EPM2A: variants seen among roughly 807,000 people sequenced by gnomAD.
The protein encoded by EPM2A is laforin.
In EPM2A, 21 loss-of-function variants were observed where a neutral mutation model predicts 26.5. The ratio of observed to expected loss-of-function variants is 0.79; its 90% confidence interval spans 0.56 to 1.14. The LOEUF (loss-of-function observed/expected upper bound fraction) is 1.14. Among genes scored for constraint, EPM2A ranks in the 50% most tolerant of loss-of-function variants. EPM2A has a pLI of 0.00. For missense variants in EPM2A, 458 were observed against 440.8 expected (o/e 1.04, Z -0.35); for synonymous variants, 217 against 177.6 (o/e 1.22, Z -1.76).
downstream of EPM2A, among the ~76,000 whole-genome samples, chr6:145,499,338 G>A (rs1461422919): frequency 6.6e-6 from 1 of 152,024 alleles, no homozygotes; most frequent in Non-Finnish European, 1.5e-5. Flanking sequence ...AATTCATTCT[G>A]TTCCTTTTAC....
chr6:145,391,055 T>C (rs559331299), intron 4 of EPM2A, among the ~76,000 whole-genome samples: 1 of 152,096 alleles, frequency 6.6e-6, no homozygotes, highest in East Asian at 1.9e-4. Flanking sequence ...CAAAGTAAAA[T>C]CCTAAGTCCC....
At chr6:145,673,591 T>A (rs1779809536) in intron 2 of EPM2A, among the ~76,000 whole-genome samples, 1 of 152,190 alleles carries the variant, frequency 6.6e-6, no homozygotes, top group Non-Finnish European at 1.5e-5. Context: ...ACTTTTCCCA[T>A]GGTCTTAGCA....
At chr6:145,633,344 A>C (rs1776408639) in intron 3 of EPM2A, among the ~76,000 whole-genome samples, 2 of 152,238 alleles carry the variant, frequency 1.3e-5, no homozygotes, top group African/African-American at 4.8e-5. Flanking sequence ...TTTTGAAACC[A>C]GGAAAACCAG....
At chr6:145,696,236 G>C (rs1276878439) in intron 1 of EPM2A, among the ~76,000 whole-genome samples, 1 of 152,060 alleles carries the variant, frequency 6.6e-6, no homozygotes, top group Non-Finnish European at 1.5e-5. Context: ...ATGATAATGG[G>C]TATACAACAT....
intron 4 of EPM2A, among the ~76,000 whole-genome samples, chr6:145,388,739 C>T (rs898395024): frequency 1.3e-5 from 2 of 152,128 alleles, no homozygotes; most frequent in African/African-American, 4.8e-5. Flanking sequence ...GTTCAACTCC[C>T]ACTTATGAGT....
At chr6:145,529,473 G>T (rs2114781963) in intron 2 of EPM2A, among the ~76,000 whole-genome samples, 3 of 152,084 alleles carry the variant, frequency 2.0e-5, no homozygotes, top group South Asian at 2.1e-4. Context: ...TAGCAAAAAA[G>T]GTTATGACTC....
intron 4 of EPM2A, chr6:145,491,071 T>C (rs1779748443): frequency 2.6e-6 from 2 of 760,798 alleles, no homozygotes; most frequent in African/African-American, 1.7e-5. Flanking sequence ...GATTCTGTGA[T>C]AACATTTGAA....
At chr6:145,657,031 A>G (rs1778340651) in intron 2 of EPM2A, among the ~76,000 whole-genome samples, 1 of 152,098 alleles carries the variant, frequency 6.6e-6, no homozygotes, top group Non-Finnish European at 1.5e-5. Context: ...TAGAATCAAC[A>G]ATGAAATTTG....
intron 3 of EPM2A, 26 bp downstream of exon 3, chr6:145,635,219 G>C (rs758508613): frequency 6.2e-7 from 1 of 1,613,884 alleles, no homozygotes; most frequent in East Asian, 2.2e-5. Flanking sequence ...AATACAGCAA[G>C]GAGGCAGAAC....
downstream of EPM2A, among the ~76,000 whole-genome samples, chr6:145,622,301 A>G (rs1775654654): frequency 6.6e-6 from 1 of 152,106 alleles, no homozygotes; most frequent in African/African-American, 2.4e-5. Flanking sequence ...TAAATGGGAA[A>G]CTCAACCCAA....
intron 2 of EPM2A, among the ~76,000 whole-genome samples, chr6:145,531,235 G>C (rs188686103): frequency 4.5e-4 from 69 of 152,268 alleles, no homozygotes; most frequent in African/African-American, 1.6e-3. Context: ...AGGTAACCAG[G>C]TTGATTACCC....
intron 2 of EPM2A, among the ~76,000 whole-genome samples, chr6:145,616,644 T>C (rs888112725): frequency 2.0e-5 from 3 of 152,224 alleles, no homozygotes; most frequent in African/African-American, 7.2e-5. Flanking sequence ...AGGGGGGCTA[T>C]ACCCTGCAAA....
intron 2 of EPM2A, among the ~76,000 whole-genome samples, chr6:145,659,153 T>C (rs1029513087): frequency 1.9e-4 from 28 of 148,180 alleles, no homozygotes; most frequent in African/African-American, 6.6e-4. Flanking sequence ...ATCCAAATAT[T>C]ACAATCCCCA....
At chr6:145,535,653 G>T (rs564329270) in intron 2 of EPM2A, among the ~76,000 whole-genome samples, 2 of 152,180 alleles carry the variant, frequency 1.3e-5, no homozygotes, top group African/African-American at 4.8e-5. Flanking sequence ...AAGAAAAATA[G>T]CTCAATTAGC....
In EPM2A at chr6:145,692,204, G is replaced by A. The variant is rs566438850; in HGVS notation, c.302-5908C>T. Reference sequence around the variant, plus strand: ...AACTGTGTATATATCAAACAGTAAGGTGGTTAAATACGTAAAGCAAAAAAC... The same window carrying A: ...AACTGTGTATATATCAAACAGTAAGATGGTTAAATACGTAAAGCAAAAAAC... On this transcript the variant is annotated intron_variant, in intron 1 of 3. Coordinates refer to ENST00000367519, the MANE Select transcript of EPM2A (RefSeq NM_005670.4). Among the ~76,000 whole-genome samples the A allele has an allele frequency of 2.0e-5, 3 of 152,078 alleles. No homozygotes were observed. In the South Asian group the frequency reaches 6.2e-4, roughly 32 times the overall value.
At chr6:145,680,088 G>A (rs1780390938) in intron 2 of EPM2A, 1 of 152,000 alleles carries the variant, frequency 6.6e-6, no homozygotes, top group South Asian at 2.1e-4. Flanking sequence ...TTTACCTGAA[G>A]TTAAGTAGCA....
chr6:145,406,236 T>A (rs966015310), intron 4 of EPM2A, among the ~76,000 whole-genome samples: 6 of 152,176 alleles, frequency 3.9e-5, no homozygotes, highest in Admixed American at 2.6e-4. Context: ...CTAAAATCAC[T>A]CATTTTCATC....
chr6:145,445,143 G>C (rs1321516345), intron 4 of EPM2A, among the ~76,000 whole-genome samples: 1 of 152,126 alleles, frequency 6.6e-6, no homozygotes, highest in Non-Finnish European at 1.5e-5. Flanking sequence ...AGTGTGTCAA[G>C]AGTAGCCAGA....
At chr6:145,418,309 T>C (rs1582739890) in intron 4 of EPM2A, among the ~76,000 whole-genome samples, 1 of 152,334 alleles carries the variant, frequency 6.6e-6, no homozygotes. Flanking sequence ...TGCTCAGTTC[T>C]TGTTCACTCT....
Sources: gnomAD v4.1 joint callset for allele counts (sites outside exome capture counted in the v4.1 genomes callset) on GRCh38, gnomAD v4.1.1 for gene constraint, MANE v1.5 for transcripts, NCBI Gene and HGNC (gene_info 2026-07-23, HGNC 2026-07-21) for gene names.